Variants in GLB1 observed in about 807,000 individuals in gnomAD.
GLB1 encodes the protein galactosidase beta 1, also known as beta-galactosidase.
GLB1 carries 56 observed loss-of-function variants against 74.0 expected under a neutral mutation model. That is an observed-to-expected ratio of 0.76 (90% confidence interval 0.61 to 0.94). The LOEUF (loss-of-function observed/expected upper bound fraction) is 0.94, where lower values mean the gene tolerates loss of function less well. GLB1 is among the 40% of genes least tolerant of loss of function. GLB1 has a pLI of 0.00. For missense variants in GLB1, 787 were observed against 845.5 expected, an observed-to-expected ratio of 0.93 and a Z score of 0.86; for synonymous variants, 323 against 323.6, an observed-to-expected ratio of 1.00 and a Z score of 0.02.
chr3:33,077,025 A>G (rs1700133695), intron 1 of GLB1: 1 of 1,255,966 alleles, frequency 8.0e-7, no homozygotes, highest in Non-Finnish European at 1.0e-6. Context: ...GGAGTTCAAG[A>G]CCAGTCTGGG....
At chr3:33,016,008 T>C (rs1697224363) in intron 14 of GLB1, among the ~76,000 whole-genome samples, 1 of 152,118 alleles carries the variant, frequency 6.6e-6, no homozygotes, top group Non-Finnish European at 1.5e-5. Context: ...TCTAAAAATA[T>C]GTGTTAGAAA....
At chr3:33,005,681 A>C (rs1696757520) in intron 15 of GLB1, among the ~76,000 whole-genome samples, 1 of 152,114 alleles carries the variant, frequency 6.6e-6, no homozygotes, top group African/African-American at 2.4e-5. Flanking sequence ...TTTTTTGTAG[A>C]GATGAGGTCT....
intron 1 of GLB1, among the ~76,000 whole-genome samples, chr3:33,078,003 T>A (rs563800988): frequency 1.3e-5 from 2 of 151,590 alleles, no homozygotes; most frequent in Non-Finnish European, 2.9e-5. Flanking sequence ...GATAAATTAG[T>A]CTAAAAAAAA....
intron 10 of GLB1, among the ~76,000 whole-genome samples, chr3:33,036,971 T>C (rs184077379): frequency 2.6e-5 from 4 of 152,294 alleles, no homozygotes; most frequent in African/African-American, 7.2e-5. Flanking sequence ...ATTGTGAATA[T>C]AACTAATGGC....
rs1314194114 is a variant in GLB1, at chr3:33,092,057, TC to T, written c.75+4953del. 6.1e-6 allele frequency: 6 copies of T among 985,394 alleles called. No individual in the cohort carries two copies. In the African/African-American group the frequency reaches 1.0e-4, roughly 17 times the overall value. 61.0% of individuals were successfully genotyped at this position (985,394 alleles called of 1,614,324 possible). On this transcript the variant is annotated intron_variant, in intron 1 of 15. Coordinates refer to ENST00000307363, the MANE Select transcript of GLB1 (RefSeq NM_000404.4). The stretch of plus-strand genomic sequence containing the variant: ...GAAAAGCAGCCTGTCCCCAGTGAGC[TC>T]CCCGAAGGGTTGTATAAAATGAGAC...
At chr3:32,961,452 G>A in the GLB1 span, among the ~76,000 whole-genome samples, 1 of 152,168 alleles carries the variant, frequency 6.6e-6, no homozygotes, top group Non-Finnish European at 1.5e-5. Context: ...TCAACACTTG[G>A]GTCAGAAGTT....
chr3:32,969,022 G>T, the GLB1 span, among the ~76,000 whole-genome samples: 1 of 152,220 alleles, frequency 6.6e-6, no homozygotes, highest in African/African-American at 2.4e-5. Flanking sequence ...AGTCCCAGGA[G>T]GCCCCCTTCA....
chr3:33,006,541 C>T (rs550762472), intron 15 of GLB1, among the ~76,000 whole-genome samples: 4 of 152,090 alleles, frequency 2.6e-5, no homozygotes, highest in African/African-American at 7.2e-5. Context: ...TGGAGAAGAA[C>T]GCTTCCTATC....
intron 13 of GLB1, among the ~76,000 whole-genome samples, chr3:33,017,152 A>G (rs1160844206): frequency 2.6e-5 from 4 of 152,190 alleles, no homozygotes; most frequent in Non-Finnish European, 1.5e-5. Flanking sequence ...GATTCTTACT[A>G]GAGTAGCTGC....
At chr3:32,981,349 G>T in the GLB1 span, among the ~76,000 whole-genome samples, 1 of 138,436 alleles carries the variant, frequency 7.2e-6, no homozygotes, top group Non-Finnish European at 1.5e-5. Context: ...GCAGTGAGCC[G>T]AGACCGCACC....
intron 1 of GLB1, among the ~76,000 whole-genome samples, chr3:33,089,554 T>C (rs1279835143): frequency 6.6e-6 from 1 of 151,954 alleles, no homozygotes; most frequent in Admixed American, 6.6e-5. Context: ...GGCATGAAAA[T>C]ACAAGAGTAT....
At chr3:33,009,306 G>A (rs191754310) in intron 15 of GLB1, among the ~76,000 whole-genome samples, 5 of 151,988 alleles carry the variant, frequency 3.3e-5, no homozygotes, top group Admixed American at 6.6e-5. Flanking sequence ...GGTGGACCAC[G>A]AGGTCAGGAG....
At chr3:33,094,049 G>A in intron 1 of GLB1, 7 of 1,614,228 alleles carry the variant, frequency 4.3e-6, no homozygotes, top group Non-Finnish European at 5.9e-6. Flanking sequence ...TGACAAACAG[G>A]GCAAGCTGCA....
At chr3:33,087,885 C>T (rs1167081284) in intron 1 of GLB1, among the ~76,000 whole-genome samples, 3 of 141,734 alleles carry the variant, frequency 2.1e-5, no homozygotes, top group African/African-American at 7.8e-5. Context: ...CTGAATTCAA[C>T]AGTACATTAA....
intron 10 of GLB1, among the ~76,000 whole-genome samples, chr3:33,036,268 G>A (rs1186329364): frequency 4.6e-5 from 7 of 152,190 alleles, no homozygotes; most frequent in Admixed American, 4.6e-4. Context: ...GATCAGAAGA[G>A]CAAGGGAAGG....
intron 9 of GLB1, among the ~76,000 whole-genome samples, chr3:33,048,538 G>A (rs1698837659): frequency 1.3e-5 from 2 of 152,214 alleles, no homozygotes; most frequent in African/African-American, 4.8e-5. Flanking sequence ...GCACAGGCAG[G>A]TGCATGTTCC....
chr3:33,038,952 A>C (rs1575437100), intron 10 of GLB1, among the ~76,000 whole-genome samples: 1 of 152,138 alleles, frequency 6.6e-6, no homozygotes, highest in African/African-American at 2.4e-5. Flanking sequence ...GATGAGAAAA[A>C]ACCCAACATA....
At chr3:33,029,428 A>G (rs577642028) in intron 10 of GLB1, among the ~76,000 whole-genome samples, 2 of 152,336 alleles carry the variant, frequency 1.3e-5, no homozygotes, top group South Asian at 2.1e-4. Context: ...ACTCTGTGTC[A>G]GGTCCTATGC....
At position 33,074,408 on chromosome 3, in the gene GLB1, G is replaced by GAAAGAAAGAAAGAA. The variant is rs143322194; in HGVS notation, c.76-1696_76-1695insTTCTTTCTTTCTTT. Among the ~76,000 whole-genome samples, 99 of 113,650 alleles carry GAAAGAAAGAAAGAA rather than the reference G, an allele frequency of 8.7e-4. 7 individuals are homozygous for GAAAGAAAGAAAGAA. Among genetic ancestry groups the GAAAGAAAGAAAGAA allele is most frequent in the African/African-American group, 2.7e-3 (91 of 33,370 alleles). 74.6% of individuals were successfully genotyped at this position (113,650 alleles called of 152,430 possible). On this transcript the variant is annotated intron_variant, in intron 1 of 15. Transcript: ENST00000307363. ...AGGAAGGAAGAAAGAAAGAAAGAAAGAATATTACACATAGTAAAGTATTAC... is the reference window on the plus strand; with the variant it reads ...AGGAAGGAAGAAAGAAAGAAAGAAAGAAAGAAAGAAAGAAAATATTACACATAGTAAAGTATTAC...
Sources: gnomAD v4.1 joint callset for allele counts (sites outside exome capture counted in the v4.1 genomes callset) on GRCh38, gnomAD v4.1.1 for gene constraint, MANE v1.5 for transcripts, NCBI Gene and HGNC (gene_info 2026-07-23, HGNC 2026-07-21) for gene names.